Variants in ABTB2 observed in about 807,000 individuals in gnomAD.
ABTB2 encodes ankyrin repeat and BTB/POZ domain-containing protein 2.
Under a neutral mutation model 104.1 loss-of-function variants are expected in ABTB2, and 56 were observed. The ratio of observed to expected loss-of-function variants is 0.54; its 90% CI spans 0.43 to 0.67. The LOEUF (loss-of-function observed/expected upper bound fraction) is 0.67, where lower values mean the gene tolerates loss of function less well. ABTB2 is among the 30% of genes least tolerant of loss of function. ABTB2 has a pLI of 0.00. For missense variants in ABTB2, 1,279 were observed against 1,407.7 expected (o/e 0.91, Z 1.46); for synonymous variants, 606 against 608.2 (o/e 1.00, Z 0.05).
rs373904135 is a variant in ABTB2, at chr11:34,161,035, C to T, written c.2265G>A (p.Ser755=). 1.3e-5 allele frequency: 21 copies of T among 1,613,022 alleles called. No homozygotes were observed. The highest frequency in any genetic ancestry group is 6.7e-5 in the African/African-American group (5 of 74,872). Residue 755 remains serine (S), a synonymous_variant, in exon 11 of 17, where the codon TCG becomes TCA. Transcript: ENST00000435224. The part of the protein sequence containing the change: ...LHIWIESLRT[S]FSQSRYSVVQ... ...CCACCGAGTACCGCGACTGCGAGAA[C>T]GAGGTCCTCAGAGACTCGATCCAGA...
intron 1 of ABTB2, among the ~76,000 whole-genome samples, chr11:34,317,374 C>T (rs937802098): frequency 2.6e-5 from 4 of 152,148 alleles, no homozygotes; most frequent in African/African-American, 7.2e-5. Context: ...TCTCCTCTCC[C>T]GCATCTTGTA....
intron 1 of ABTB2, among the ~76,000 whole-genome samples, chr11:34,328,287 T>G: frequency 6.6e-6 from 1 of 152,190 alleles, no homozygotes; most frequent in East Asian, 1.9e-4. Context: ...AGGGAGTACT[T>G]GCTTTTTTGA....
At chr11:34,326,579 G>A (rs1426979281) in intron 1 of ABTB2, among the ~76,000 whole-genome samples, 1 of 149,214 alleles carries the variant, frequency 6.7e-6, no homozygotes, top group Non-Finnish European at 1.5e-5. Context: ...GCAGTGAGCC[G>A]AGATCATGCT....
intron 1 of ABTB2, among the ~76,000 whole-genome samples, chr11:34,256,164 G>A (rs1445425688): frequency 3.9e-5 from 6 of 151,986 alleles, no homozygotes; most frequent in African/African-American, 1.5e-4. Context: ...ATCTACTTGT[G>A]GGGGGTGGGG....
chr11:34,232,200 G>C (rs1304891541), intron 1 of ABTB2, among the ~76,000 whole-genome samples: 1 of 152,160 alleles, frequency 6.6e-6, no homozygotes, highest in African/African-American at 2.4e-5. Context: ...TGTAATCCCA[G>C]CACTTGGGGA....
chr11:34,339,336 T>C (rs1855234513), intron 1 of ABTB2, among the ~76,000 whole-genome samples: 1 of 152,188 alleles, frequency 6.6e-6, no homozygotes, highest in South Asian at 2.1e-4. Flanking sequence ...TGTGGGCTCA[T>C]GCTAGAGGTC....
At chr11:34,242,200 G>C (rs1046061499) in intron 1 of ABTB2, among the ~76,000 whole-genome samples, 2 of 152,144 alleles carry the variant, frequency 1.3e-5, no homozygotes, top group African/African-American at 4.8e-5. Flanking sequence ...GCCTTCTGCC[G>C]CAGATCTGTG....
rs60681759 is a variant in ABTB2, at chr11:34,246,601, C to CAAAAAAAAAAAAAAAAAAAAAA, written c.884-41933_884-41912dup. 5.8e-5 allele frequency among the ~76,000 whole-genome samples: 2 copies of CAAAAAAAAAAAAAAAAAAAAAA among 34,770 alleles called. 1 individual carries two copies. 22.8% of individuals were successfully genotyped at this position (34,770 alleles called of 152,430 possible). A position where few individuals can be genotyped will look rare whatever the true frequency, so the allele number is the denominator to read the frequency against. On this transcript the variant is annotated intron_variant, in intron 1 of 16. Coordinates refer to ENST00000435224, the MANE Select transcript of ABTB2 (RefSeq NM_145804.3). ...GGGCAATAAGAGTGAAACTCCATCT[C>CAAAAAAAAAAAAAAAAAAAAAA]AAAAAAAAAAAAAAAAAAAAAAAAA...
chr11:34,188,586 C>T (rs1300522958), intron 3 of ABTB2, among the ~76,000 whole-genome samples: 3 of 152,180 alleles, frequency 2.0e-5, no homozygotes, highest in Non-Finnish European at 4.4e-5. Flanking sequence ...ATTTCATTTA[C>T]TTCCATTTTG....
intron 1 of ABTB2, among the ~76,000 whole-genome samples, chr11:34,258,163 C>T (rs2133072964): frequency 6.6e-6 from 1 of 152,264 alleles, no homozygotes; most frequent in Admixed American, 6.5e-5. Flanking sequence ...ATTAAGGGTC[C>T]CAGGGCATAC....
chr11:34,218,940 T>C (rs1853581980), intron 1 of ABTB2, among the ~76,000 whole-genome samples: 1 of 151,304 alleles, frequency 6.6e-6, no homozygotes, highest in Admixed American at 6.6e-5. Context: ...GGCCTATTTC[T>C]GGGCTCTCTA....
intron 1 of ABTB2, among the ~76,000 whole-genome samples, chr11:34,306,236 A>ATTTTTTTTTTTT (rs34872949): frequency 4.2e-5 from 3 of 71,962 alleles, no homozygotes; most frequent in Middle Eastern, 0.011. Context: ...GGAAAGTTTG[A>ATTTTTTTTTTTT]TTTTTTTTTT....
At chr11:34,225,886 A>G (rs749488228) in intron 1 of ABTB2, among the ~76,000 whole-genome samples, 1 of 151,930 alleles carries the variant, frequency 6.6e-6, no homozygotes, top group African/African-American at 2.4e-5. Context: ...GTCCCTGGAC[A>G]TTCCAAGTAA....
At chr11:34,172,515 G>A (rs1393591900) in intron 4 of ABTB2, among the ~76,000 whole-genome samples, 1 of 150,914 alleles carries the variant, frequency 6.6e-6, no homozygotes, top group East Asian at 1.9e-4. Context: ...GATGGCCAGG[G>A]ACGCTTCTCT....
chr11:34,295,756 G>A (rs1854615968), intron 1 of ABTB2, among the ~76,000 whole-genome samples: 1 of 152,160 alleles, frequency 6.6e-6, no homozygotes, highest in Non-Finnish European at 1.5e-5. Context: ...GTTCTGGTGA[G>A]GGCCCTCTTC....
chr11:34,267,631 G>A (rs1460649819), intron 1 of ABTB2, among the ~76,000 whole-genome samples: 1 of 152,240 alleles, frequency 6.6e-6, no homozygotes, highest in Non-Finnish European at 1.5e-5. Flanking sequence ...AATCACCCTA[G>A]TGGGGGAAAG....
chr11:34,178,760 T>C (rs1852987374), intron 3 of ABTB2, among the ~76,000 whole-genome samples: 2 of 152,166 alleles, frequency 1.3e-5, no homozygotes. Context: ...ATTTTTTCCC[T>C]GGTCTCAGGA....
intron 1 of ABTB2, among the ~76,000 whole-genome samples, chr11:34,342,960 TATTCGTTC>T (rs1276650086): frequency 8.7e-6 from 1 of 115,360 alleles, no homozygotes; most frequent in Non-Finnish European, 1.7e-5. Context: ...TTTATTTATT[TATTCGTTC>T]ATTCATTCAT....
intron 3 of ABTB2, among the ~76,000 whole-genome samples, chr11:34,186,672 C>T (rs1484165483): frequency 2.0e-5 from 3 of 152,222 alleles, no homozygotes; most frequent in Admixed American, 6.5e-5. Context: ...ACAGCCAGCC[C>T]TGGGGGGTGC....
Sources: gnomAD v4.1 joint callset for allele counts (sites outside exome capture counted in the v4.1 genomes callset) on GRCh38, gnomAD v4.1.1 for gene constraint, MANE v1.5 for transcripts, NCBI Gene and HGNC (gene_info 2026-07-23, HGNC 2026-07-21) for gene names.